CNTN5: variants seen among roughly 807,000 people sequenced by gnomAD.
The protein encoded by CNTN5 is contactin 5, also known as contactin-5.
CNTN5 carries 77 observed loss-of-function variants against 129.1 expected under a neutral mutation model. That is an observed-to-expected ratio of 0.60 (90% CI 0.50 to 0.72). CNTN5 has a LOEUF of 0.72. CNTN5 is among the 30% of genes least tolerant of loss of function. The pLI is 0.00. For synonymous variants in CNTN5, 509 were observed against 465.6 expected (o/e 1.09, Z -1.20); for missense variants, 1,478 against 1,328.8 (o/e 1.11, Z -1.75).
rs569337388 is a variant in CNTN5 at position 99,315,893 on chromosome 11, G to A, written c.-209-9453G>A. On this transcript the variant is annotated intron_variant, in intron 1 of 24. Coordinates refer to ENST00000524871, the MANE Select transcript of CNTN5 (RefSeq NM_014361.4). Reference sequence around the variant, plus strand: ...AGCAAGAGTTGAATGATAGAAAGAAGAGACAATAGAATGACACAAATTATA... The same window carrying A: ...AGCAAGAGTTGAATGATAGAAAGAAAAGACAATAGAATGACACAAATTATA... Among the ~76,000 whole-genome samples the A allele has an allele frequency of 2.0e-5, 3 of 149,730 alleles. 1 individual carries two copies. The East Asian group carries it at 5.9e-4, about 29-fold the overall frequency.
At chr11:100,056,632 A>C (rs1381488672) in intron 9 of CNTN5, among the ~76,000 whole-genome samples, 1 of 151,788 alleles carries the variant, frequency 6.6e-6, no homozygotes, top group Non-Finnish European at 1.5e-5. Context: ...AATAAAACTT[A>C]TATAAGAAGA....
chr11:99,152,950 A>G lies in CNTN5; in HGVS notation c.-210+131680A>G, dbSNP rs186408197. On this transcript the variant is annotated intron_variant, in intron 1 of 24. Coordinates refer to ENST00000524871, the MANE Select transcript of CNTN5 (RefSeq NM_014361.4). ...TTATTGGTTGAAATCTCTTTTCTTT[A>G]TAAATGCTGAATCTAGGCCTCCAGT... Among the ~76,000 whole-genome samples, 8 of 152,276 alleles carry G rather than the reference A, an allele frequency of 5.3e-5. No homozygotes were observed. In the East Asian group the frequency reaches 1.5e-3, roughly 29 times the overall value.
chr11:99,929,323 A>G (rs1319221989), intron 7 of CNTN5, among the ~76,000 whole-genome samples: 3 of 152,032 alleles, frequency 2.0e-5, no homozygotes, highest in Non-Finnish European at 4.4e-5. Context: ...TCTTCTTTTC[A>G]GCCCTTGGAA....
At chr11:99,106,648 C>T (rs1305782471) in intron 1 of CNTN5, among the ~76,000 whole-genome samples, 2 of 152,020 alleles carry the variant, frequency 1.3e-5, no homozygotes, top group Admixed American at 1.3e-4. Flanking sequence ...GATGAATTAA[C>T]ATATCTTAAA....
At chr11:99,690,395 C>A (rs183597762) in intron 3 of CNTN5, among the ~76,000 whole-genome samples, 1 of 151,758 alleles carries the variant, frequency 6.6e-6, no homozygotes, top group African/African-American at 2.4e-5. Context: ...TGTTGTTGTT[C>A]TTGTTTTGTT....
At chr11:99,501,885 T>C (rs979159787) in intron 2 of CNTN5, among the ~76,000 whole-genome samples, 2 of 152,218 alleles carry the variant, frequency 1.3e-5, no homozygotes, top group African/African-American at 4.8e-5. Flanking sequence ...GCCTGACTCA[T>C]AGGCATTTAG....
intron 3 of CNTN5, among the ~76,000 whole-genome samples, chr11:99,682,440 G>A (rs540742972): frequency 2.0e-5 from 3 of 152,044 alleles, no homozygotes; most frequent in African/African-American, 7.2e-5. Context: ...AGCAGCTTTA[G>A]GGAAATGGGG....
At chr11:99,088,687 G>A (rs1384500185) in intron 1 of CNTN5, among the ~76,000 whole-genome samples, 1 of 152,072 alleles carries the variant, frequency 6.6e-6, no homozygotes, top group Non-Finnish European at 1.5e-5. Flanking sequence ...ATAGCAACTC[G>A]GAGCAATCTA....
intron 3 of CNTN5, among the ~76,000 whole-genome samples, chr11:99,725,666 T>C (rs1410264436): frequency 6.6e-6 from 1 of 152,214 alleles, no homozygotes; most frequent in Non-Finnish European, 1.5e-5. Flanking sequence ...ATATTATTTT[T>C]ATATTTCGTA....
At chr11:99,255,810 ACACACG>A (rs1385624466) in intron 1 of CNTN5, among the ~76,000 whole-genome samples, 4 of 151,692 alleles carry the variant, frequency 2.6e-5, no homozygotes, top group South Asian at 2.1e-4. Flanking sequence ...GCACACACAC[ACACACG>A]CACACGCACA....
chr11:99,492,379 G>A (rs1946069793), intron 2 of CNTN5, among the ~76,000 whole-genome samples: 1 of 152,062 alleles, frequency 6.6e-6, no homozygotes, highest in Admixed American at 6.6e-5. Context: ...CCTTTAAACT[G>A]GAAGAATTTA....
At chr11:99,039,237 C>T (rs1236698687) in intron 1 of CNTN5, among the ~76,000 whole-genome samples, 1 of 152,018 alleles carries the variant, frequency 6.6e-6, no homozygotes, top group African/African-American at 2.4e-5. Context: ...TTCAACAAAC[C>T]ACAAAGCACT....
intron 1 of CNTN5, among the ~76,000 whole-genome samples, chr11:99,128,734 C>T (rs867202750): frequency 1.1e-4 from 17 of 152,254 alleles, no homozygotes; most frequent in African/African-American, 3.6e-4. Context: ...GGCATCAGGT[C>T]GGTGCCCCTC....
intron 13 of CNTN5, among the ~76,000 whole-genome samples, chr11:100,183,451 C>T (rs915662145): frequency 1.3e-5 from 2 of 151,974 alleles, no homozygotes; most frequent in African/African-American, 4.8e-5. Context: ...TAATTGGAGC[C>T]CCAGGGCTGA....
At position 100,017,268 on chromosome 11, in the gene CNTN5, A is replaced by G. The variant is rs189158512; in HGVS notation, c.980+15132A>G. 2.0e-5 allele frequency among the ~76,000 whole-genome samples: 3 copies of G among 152,146 alleles called. No individual in the cohort carries two copies. The East Asian group carries it at 5.8e-4, about 29-fold the overall frequency. On this transcript the variant is annotated intron_variant, in intron 9 of 24. Coordinates refer to ENST00000524871, the MANE Select transcript of CNTN5 (RefSeq NM_014361.4). ...TTCCCGTACAGACACACAGAGGAAG[A>G]ATATCTTCAAGCCTCCACTTCATGT...
intron 2 of CNTN5, among the ~76,000 whole-genome samples, chr11:99,473,246 G>A (rs1426634177): frequency 6.6e-6 from 1 of 152,040 alleles, no homozygotes; most frequent in African/African-American, 2.4e-5. Context: ...TTGAAATGAA[G>A]GCTATTAGGA....
chr11:99,803,909 T>G (rs532755585), intron 3 of CNTN5, among the ~76,000 whole-genome samples: 1 of 152,230 alleles, frequency 6.6e-6, no homozygotes, highest in Admixed American at 6.5e-5. Context: ...CTTTACGAAC[T>G]CTTGCTCTTT....
chr11:99,255,797 C>A (rs1160777100), intron 1 of CNTN5, among the ~76,000 whole-genome samples: 1 of 151,010 alleles, frequency 6.6e-6, no homozygotes, highest in Non-Finnish European at 1.5e-5. Context: ...TAAACACACA[C>A]ACGCACACAC....
At chr11:99,700,446 A>G (rs1030910840) in intron 3 of CNTN5, among the ~76,000 whole-genome samples, 1 of 151,426 alleles carries the variant, frequency 6.6e-6, no homozygotes, top group Non-Finnish European at 1.5e-5. Flanking sequence ...TTAGGAAATT[A>G]CATTTAGACA....
Sources: gnomAD v4.1 joint callset for allele counts (sites outside exome capture counted in the v4.1 genomes callset) on GRCh38, gnomAD v4.1.1 for gene constraint, MANE v1.5 for transcripts, NCBI Gene and HGNC (gene_info 2026-07-23, HGNC 2026-07-21) for gene names.